Variants in PARD3 observed in about 807,000 individuals in gnomAD.
PARD3 encodes the protein partitioning defective 3 homolog.
In PARD3, 75 loss-of-function variants were observed where a neutral mutation model predicts 155.4. The ratio of observed to expected loss-of-function variants is 0.48; its 90% CI spans 0.40 to 0.58. The LOEUF is 0.58. Among genes scored for constraint, PARD3 ranks in the 20% least tolerant of loss-of-function variants. The pLI is 0.00. For synonymous variants in PARD3, 576 were observed against 610.5 expected (o/e 0.94, Z 0.83); for missense variants, 1,642 against 1,721.7 (o/e 0.95, Z 0.82).
At chr10:34,737,758 A>T (rs552761669) in intron 1 of PARD3, among the ~76,000 whole-genome samples, 2 of 152,296 alleles carry the variant, frequency 1.3e-5, no homozygotes, top group South Asian at 4.1e-4. Context: ...AGCCGTGAGA[A>T]ATAAATCTGT....
At chr10:34,338,597 T>C (rs751017473) in intron 16 of PARD3, among the ~76,000 whole-genome samples, 6 of 152,194 alleles carry the variant, frequency 3.9e-5, no homozygotes, top group Admixed American at 6.5e-5. Context: ...TCCAACCCTT[T>C]ATGGCCTTAT....
chr10:34,267,555 C>T (rs1955384288), intron 22 of PARD3, among the ~76,000 whole-genome samples: 2 of 152,198 alleles, frequency 1.3e-5, no homozygotes, highest in Admixed American at 1.3e-4. Flanking sequence ...TAGCATTTCA[C>T]CTTAAGATCT....
At chr10:34,692,008 G>C (rs2094071461) in intron 2 of PARD3, among the ~76,000 whole-genome samples, 2 of 152,204 alleles carry the variant, frequency 1.3e-5, no homozygotes, top group South Asian at 2.1e-4. Flanking sequence ...GAGGCAGGTG[G>C]ATTGCCTGAG....
intron 2 of PARD3, among the ~76,000 whole-genome samples, chr10:34,635,646 T>G (rs952352529): frequency 6.6e-6 from 1 of 152,238 alleles, no homozygotes; most frequent in Admixed American, 6.5e-5. Flanking sequence ...AACTGGTATG[T>G]AGAAAACACT....
At chr10:34,222,746 T>A (rs1952370819) in intron 22 of PARD3, among the ~76,000 whole-genome samples, 1 of 152,244 alleles carries the variant, frequency 6.6e-6, no homozygotes, top group Non-Finnish European at 1.5e-5. Flanking sequence ...CCCTGCTGAA[T>A]CTGCTACCTC....
intron 19 of PARD3, among the ~76,000 whole-genome samples, chr10:34,317,695 TG>T (rs1362812291): frequency 6.6e-6 from 1 of 152,186 alleles, no homozygotes; most frequent in African/African-American, 2.4e-5. Context: ...GTACTATATT[TG>T]CAAGATGAAA....
At chr10:34,362,283 A>G (rs532552035) in intron 12 of PARD3, among the ~76,000 whole-genome samples, 1 of 152,298 alleles carries the variant, frequency 6.6e-6, no homozygotes, top group Non-Finnish European at 1.5e-5. Context: ...TGGGCGACAG[A>G]GCAAGACTCT....
At chr10:34,450,238 T>C (rs982687) in intron 5 of PARD3, 79 bp downstream of exon 5, 86,627 of 1,320,974 alleles carry the variant, frequency 0.066, 3,096 homozygotes, top group African/African-American at 0.1. Flanking sequence ...TCACCAGTGA[T>C]TGAGATGGGA....
In PARD3 at chr10:34,147,956, C is replaced by G. The variant is rs566527599; in HGVS notation, c.3420-16373G>C. ...ATGGAGCAAAACATCTGCTAAAACT[C>G]AGCATGACCCTTCCCAAGCAGATTG... On this transcript the variant is annotated intron_variant, in intron 22 of 24. Coordinates refer to ENST00000374788, the MANE Select transcript of PARD3 (RefSeq NM_001184785.2). Among the ~76,000 whole-genome samples, 9 of 152,282 alleles carry G rather than the reference C, an allele frequency of 5.9e-5. No homozygotes were observed. The East Asian group carries it at 1.5e-3, about 26-fold the overall frequency.
intron 1 of PARD3, among the ~76,000 whole-genome samples, chr10:34,773,800 GTTC>G (rs1375883665): frequency 1.3e-5 from 2 of 152,146 alleles, no homozygotes; most frequent in Non-Finnish European, 2.9e-5. Context: ...GGCACTTAAT[GTTC>G]TTCTCATAAA....
chr10:34,303,069 TA>T (rs869118245), intron 20 of PARD3, among the ~76,000 whole-genome samples: 1,500 of 32,990 alleles, frequency 0.045, 22 homozygotes, highest in African/African-American at 0.096. Context: ...AACCAAGTTT[TA>T]AAAAAAAAAA....
intron 2 of PARD3, among the ~76,000 whole-genome samples, chr10:34,602,476 C>T (rs550513020): frequency 1.3e-5 from 2 of 152,262 alleles, no homozygotes; most frequent in Admixed American, 1.3e-4. Context: ...ATGTCAACTA[C>T]ACTAGGTATG....
chr10:34,250,726 T>C (rs1428928867), intron 22 of PARD3, among the ~76,000 whole-genome samples: 1 of 151,784 alleles, frequency 6.6e-6, no homozygotes, highest in Non-Finnish European at 1.5e-5. Flanking sequence ...ACATCAATAA[T>C]AGTACACTAC....
In PARD3 at chr10:34,516,170, G is replaced by A. The variant is rs139780857; in HGVS notation, c.403+809C>T. 3.5e-3 allele frequency among the ~76,000 whole-genome samples: 539 copies of A among 151,992 alleles called. 4 individuals are homozygous for A. The highest frequency in any genetic ancestry group is 5.7e-3 in the Non-Finnish European group (387 of 67,970). ...AGTAGAGATGGGGTTTCACCATGTC[G>A]GCCAGGCTGATCTCAAACTCCTGAC... On this transcript the variant is annotated intron_variant, in intron 3 of 24. Coordinates refer to ENST00000374788, the MANE Select transcript of PARD3 (RefSeq NM_001184785.2).
intron 1 of PARD3, among the ~76,000 whole-genome samples, chr10:34,708,151 G>A (rs1486538218): frequency 1.3e-5 from 2 of 152,016 alleles, no homozygotes; most frequent in African/African-American, 4.8e-5. Context: ...GGAAATACAG[G>A]GGATAGAGAA....
At chr10:34,766,162 C>T (rs770658354) in intron 1 of PARD3, among the ~76,000 whole-genome samples, 1 of 152,208 alleles carries the variant, frequency 6.6e-6, no homozygotes, top group Non-Finnish European at 1.5e-5. Flanking sequence ...GTACTTGCAT[C>T]AGAATAAAGC....
chr10:34,523,539 A>G (rs1408843409), intron 2 of PARD3, among the ~76,000 whole-genome samples: 3 of 152,236 alleles, frequency 2.0e-5, no homozygotes, highest in Non-Finnish European at 2.9e-5. Flanking sequence ...CCCTCTCTTC[A>G]TCTAAGAAAC....
intron 5 of PARD3, chr10:34,426,855 A>T (rs558499948): frequency 1.3e-5 from 2 of 152,382 alleles, no homozygotes; most frequent in South Asian, 4.1e-4. Flanking sequence ...GAAGAACATA[A>T]ATTGTGAAGA....
intron 1 of PARD3, among the ~76,000 whole-genome samples, chr10:34,701,637 A>T (rs1192958676): frequency 6.6e-6 from 1 of 152,104 alleles, no homozygotes. Flanking sequence ...GTTTATGCCT[A>T]TACTCCCAGT....
Sources: gnomAD v4.1 joint callset for allele counts (sites outside exome capture counted in the v4.1 genomes callset) on GRCh38, gnomAD v4.1.1 for gene constraint, MANE v1.5 for transcripts, NCBI Gene and HGNC (gene_info 2026-07-23, HGNC 2026-07-21) for gene names.